ABCC1: variants seen among roughly 807,000 people sequenced by gnomAD.
ABCC1 encodes ATP binding cassette subfamily C member 1 (ABCC1 blood group).
ABCC1 carries 83 observed loss-of-function variants against 172.9 expected under a neutral mutation model. The ratio of observed to expected loss-of-function variants is 0.48; its 90% confidence interval spans 0.40 to 0.58. The LOEUF (loss-of-function observed/expected upper bound fraction) is 0.58, where lower values mean the gene tolerates loss of function less well. Ranked by LOEUF, ABCC1 falls within the 20% of genes least tolerant of loss-of-function variation. The pLI, the probability that ABCC1 is intolerant of heterozygous loss-of-function variation, is 0.00. For synonymous variants in ABCC1, 937 were observed against 825.2 expected, an observed-to-expected ratio of 1.14 and a Z score of -2.32; for missense variants, 1,817 against 2,002.7, an observed-to-expected ratio of 0.91 and a Z score of 1.77.
Position 16,008,886 on chromosome 16 carries a change from T to G in ABCC1, c.226-890T>G, listed in dbSNP as rs1162384397. 2.0e-5 allele frequency among the ~76,000 whole-genome samples: 3 copies of G among 148,138 alleles called. No individual in the cohort carries two copies. The East Asian group carries it at 5.9e-4, about 29-fold the overall frequency. ...AAAAAGTTGCGATGATACCAGGAAC[T>G]GCTGCCTGATTTTCTCTATCCATCA... On this transcript the variant is annotated intron_variant, in intron 2 of 30. Coordinates refer to ENST00000399410, the MANE Select transcript of ABCC1 (RefSeq NM_004996.4).
At chr16:16,112,313 A>G (rs12927675) in intron 22 of ABCC1, among the ~76,000 whole-genome samples, 116,695 of 151,594 alleles carry the variant, frequency 0.77, 45,921 homozygotes, top group East Asian at 0.9. Context: ...AGTTAGACCT[A>G]TGATTGCACC....
chr16:15,989,708 C>T (rs774214878), intron 1 of ABCC1, among the ~76,000 whole-genome samples: 43 of 152,026 alleles, frequency 2.8e-4, no homozygotes, highest in Admixed American at 9.2e-4. Flanking sequence ...CCCTGTGACT[C>T]GCGGGCCATC....
At chr16:16,091,679 C>G (rs567651962) in intron 19 of ABCC1, among the ~76,000 whole-genome samples, 30 of 152,260 alleles carry the variant, frequency 2.0e-4, no homozygotes, top group African/African-American at 7.0e-4. Context: ...GTGGCCAGAC[C>G]ATGGTGTGCC....
intron 28 of ABCC1, 114 bp downstream of exon 28, chr16:16,134,622 GTTCTTT>G (rs990145561): frequency 4.3e-5 from 25 of 574,780 alleles, no homozygotes; most frequent in African/African-American, 3.4e-4. Context: ...CTACTTCATC[GTTCTTT>G]TTTTTTTTTT....
intron 5 of ABCC1, 151 bp from the exon 6 acceptor site, chr16:16,032,958 G>C (rs2151831074): frequency 1.5e-6 from 1 of 671,832 alleles, no homozygotes; most frequent in South Asian, 1.8e-5. Context: ...ATTAGGAGAG[G>C]GTCCTTTTGG....
chr16:16,020,877 A>T (rs190073890), intron 5 of ABCC1, among the ~76,000 whole-genome samples: 5 of 152,354 alleles, frequency 3.3e-5, no homozygotes, highest in Admixed American at 2.6e-4. Flanking sequence ...ACAGACAAAC[A>T]ATCGCAGACA....
chr16:15,953,399 A>G (rs2045920970), intron 1 of ABCC1, among the ~76,000 whole-genome samples: 1 of 152,084 alleles, frequency 6.6e-6, no homozygotes, highest in Non-Finnish European at 1.5e-5. Flanking sequence ...CAGAGGAAAC[A>G]ACTTGGTATT....
rs367956375 is a variant in ABCC1, at chr16:16,138,530, C to T, written c.4459C>T (p.Arg1487Trp). Residue 1487 changes from arginine to tryptophan, a missense_variant, in exon 30 of 31, where the codon CGG becomes TGG. By Grantham distance (101) the Arg-to-Trp change is moderately radical. Coordinates refer to ENST00000399410, the MANE Select transcript of ABCC1 (RefSeq NM_004996.4). ...CTGCACCGTCCTCACCATCGCCCAC[C>T]GGCTCAACACCATCATGGACTACAC... The part of the protein sequence containing the change: ...EDCTVLTIAH[R>W]LNTIMDYTRV... The T allele has an allele frequency of 5.2e-6, 8 of 1,552,214 alleles. No homozygotes were observed. Among genetic ancestry groups the T allele is most frequent in the East Asian group, 2.4e-5 (1 of 42,232 alleles).
intron 28 of ABCC1, 143 bp downstream of exon 28, chr16:16,134,651 T>TC (rs1447649617): frequency 8.1e-6 from 7 of 860,954 alleles, no homozygotes; most frequent in African/African-American, 7.9e-5. Flanking sequence ...TTTTTTTTTT[T>TC]CCTGAAACAG....
chr16:15,990,675 A>C (rs1644882081), intron 1 of ABCC1, among the ~76,000 whole-genome samples: 1 of 151,488 alleles, frequency 6.6e-6, no homozygotes, highest in Non-Finnish European at 1.5e-5. Flanking sequence ...TTTTAGACAG[A>C]GTCTTGCTCT....
chr16:16,033,692 A>T (rs2048637276), intron 6 of ABCC1, among the ~76,000 whole-genome samples: 1 of 151,828 alleles, frequency 6.6e-6, no homozygotes, highest in Non-Finnish European at 1.5e-5. Context: ...TGTCAGTCTC[A>T]GCTCACTACA....
chr16:16,044,775 C>T, intron 8 of ABCC1, 95 bp downstream of exon 8: 3 of 1,125,110 alleles, frequency 2.7e-6, no homozygotes, highest in Non-Finnish European at 3.9e-6. Context: ...ATGCTGTGTC[C>T]TGAAGTGGGC....
intron 12 of ABCC1, among the ~76,000 whole-genome samples, chr16:16,064,405 C>T (rs1247819533): frequency 3.3e-5 from 5 of 152,208 alleles, no homozygotes; most frequent in Admixed American, 2.0e-4. Context: ...GCCAAGCCCA[C>T]CTCAGTCCCC....
intron 5 of ABCC1, among the ~76,000 whole-genome samples, chr16:16,024,339 A>G (rs1451347656): frequency 6.6e-6 from 1 of 151,944 alleles, no homozygotes; most frequent in African/African-American, 2.4e-5. Context: ...CACAATAAGG[A>G]CTTGGAATTT....
chr16:16,112,395 C>A lies in ABCC1; in HGVS notation c.3079+813C>A, dbSNP rs183918476. On this transcript the variant is annotated intron_variant, in intron 22 of 30. Transcript: ENST00000399410. ...TAAACAAAAAAAAAAAAACCCTGCTCTATACTGTTCTGTGTGGTCCTATGG... is the reference window on the plus strand; with the variant it reads ...TAAACAAAAAAAAAAAAACCCTGCTATATACTGTTCTGTGTGGTCCTATGG... 3.3e-5 allele frequency among the ~76,000 whole-genome samples: 5 copies of A among 151,906 alleles called. No individual in the cohort carries two copies. The East Asian group carries it at 9.7e-4, about 29-fold the overall frequency.
At chr16:15,987,058 A>C (rs1248037004) in intron 1 of ABCC1, among the ~76,000 whole-genome samples, 1 of 152,124 alleles carries the variant, frequency 6.6e-6, no homozygotes, top group Non-Finnish European at 1.5e-5. Flanking sequence ...CCAGCTACTC[A>C]GGAGGCTGAG....
intron 1 of ABCC1, among the ~76,000 whole-genome samples, chr16:15,961,130 G>A (rs1387740346): frequency 2.6e-5 from 4 of 151,686 alleles, no homozygotes; most frequent in Non-Finnish European, 5.9e-5. Context: ...ACAGGCATGA[G>A]GCACTACGCC....
At chr16:15,982,210 T>G (rs2046637710) in intron 1 of ABCC1, among the ~76,000 whole-genome samples, 1 of 152,158 alleles carries the variant, frequency 6.6e-6, no homozygotes, top group African/African-American at 2.4e-5. Flanking sequence ...TGCTTCCACA[T>G]TTTTGGGTAT....
At chr16:15,977,207 G>A (rs1446708355) in intron 1 of ABCC1, among the ~76,000 whole-genome samples, 3 of 152,132 alleles carry the variant, frequency 2.0e-5, no homozygotes, top group Non-Finnish European at 4.4e-5. Flanking sequence ...CAAGAAAAGG[G>A]TAAGCCAGAA....
Sources: gnomAD v4.1 joint callset for allele counts (sites outside exome capture counted in the v4.1 genomes callset) on GRCh38, gnomAD v4.1.1 for gene constraint, MANE v1.5 for transcripts, NCBI Gene and HGNC (gene_info 2026-07-23, HGNC 2026-07-21) for gene names.